MYOC: variants seen among roughly 807,000 people sequenced by gnomAD.
MYOC encodes the protein myocilin.
A neutral mutation model predicts 28.2 loss-of-function variants in MYOC; 29 were observed. The observed-to-expected ratio is 1.03, with a 90% confidence interval of 0.77 to 1.40. The LOEUF is 1.40. MYOC is among the 40% of genes most tolerant of loss of function. MYOC has a pLI of 0.00. For synonymous variants in MYOC, 240 were observed against 245.6 expected, an observed-to-expected ratio of 0.98 and a Z score of 0.21; for missense variants, 569 against 620.6, an observed-to-expected ratio of 0.92 and a Z score of 0.88.
chr1:171,636,966 T>G (rs1407021752), intron 2 of MYOC, among the ~76,000 whole-genome samples: 1 of 152,242 alleles, frequency 6.6e-6, no homozygotes, highest in Non-Finnish European at 1.5e-5. Flanking sequence ...TTGTAAATTT[T>G]AAATGTAATT....
intron 1 of MYOC, 32 bp downstream of exon 1, chr1:171,651,974 CTG>C (rs754382267): frequency 6.2e-7 from 1 of 1,614,076 alleles, no homozygotes; most frequent in East Asian, 2.2e-5. Flanking sequence ...ATATCACCTG[CTG>C]AACTCAGAGT....
intron 1 of MYOC, among the ~76,000 whole-genome samples, chr1:171,647,263 T>C (rs985974282): frequency 3.3e-5 from 5 of 152,172 alleles, no homozygotes; most frequent in Non-Finnish European, 7.4e-5. Context: ...CAGTGGCTCA[T>C]GCCTGTAATC....
chr1:171,651,512 CAGAG>C (rs1653352423), intron 1 of MYOC, among the ~76,000 whole-genome samples: 7 of 152,296 alleles, frequency 4.6e-5, no homozygotes, highest in Admixed American at 1.3e-4. Flanking sequence ...AGAAAACTGA[CAGAG>C]AGGTGCCATC....
At position 171,636,162 on chromosome 1, in the gene MYOC, G is replaced by C; in HGVS notation, c.1278C>G (p.Val426=). The part of the protein sequence containing the change: ...TWETNIRKQS[V]ANAFIICGTL... ...TGCCACAGATGATGAAGGCATTGGC[G>C]ACTGACTGCTTACGGATGTTTGTCT... is the stretch of plus-strand genomic sequence containing the variant. Residue 426 remains valine (V), a synonymous_variant, in exon 3 of 3, where the codon GTC becomes GTG. Coordinates refer to ENST00000037502, the MANE Select transcript of MYOC (RefSeq NM_000261.2). 1 of 1,614,170 alleles carries C rather than the reference G, an allele frequency of 6.2e-7. No individual in the cohort carries two copies. The highest frequency in any genetic ancestry group is 1.1e-5 in the South Asian group (1 of 91,080).
chr1:171,643,198 G>T (rs183920865), intron 1 of MYOC, among the ~76,000 whole-genome samples: 1 of 152,148 alleles, frequency 6.6e-6, no homozygotes, highest in Non-Finnish European at 1.5e-5. Context: ...TCCTTAGATC[G>T]ACCTGAGACC....
In MYOC at chr1:171,636,670, A is replaced by G; in HGVS notation, c.770T>C (p.Leu257Pro). 6.2e-7 allele frequency: 1 copy of G among 1,606,078 alleles called. No individual in the cohort carries two copies. The change falls in exon 3 of 3, where the codon CTG becomes CCG. Residue 257 changes from leucine to proline, a missense_variant. By Grantham distance (98) the Leu-to-Pro change is moderately conservative (BLOSUM62 -3). Transcript: ENST00000037502. ...ELVWVGEPLT[L>P]RTAETITGKY... ...GCCAGTAATTGTTTCTGCTGTTCTC[A>G]GCGTGAGAGGCTCTCCTACCCAAAC...
intron 1 of MYOC, among the ~76,000 whole-genome samples, chr1:171,644,892 C>A (rs1572214226): frequency 6.6e-6 from 1 of 152,138 alleles, no homozygotes. Context: ...GGTTAAGTAA[C>A]ATGCCCAAGG....
At chr1:171,644,680 C>T (rs1223388535) in intron 1 of MYOC, among the ~76,000 whole-genome samples, 1 of 150,750 alleles carries the variant, frequency 6.6e-6, no homozygotes, top group Non-Finnish European at 1.5e-5. Context: ...TGATCTGGTG[C>T]CTTCAAAGTT....
chr1:171,636,758 T>C, intron 2 of MYOC, 49 bp from the exon 3 acceptor site: 1 of 1,577,952 alleles, frequency 6.3e-7, no homozygotes, highest in Admixed American at 1.7e-5. Context: ...CCATAATCTT[T>C]CCAAACACAG....
At chr1:171,641,219 T>A (rs1572212818) in intron 1 of MYOC, among the ~76,000 whole-genome samples, 1 of 139,662 alleles carries the variant, frequency 7.2e-6, no homozygotes, top group East Asian at 2.1e-4. Flanking sequence ...TAAAAAAAAA[T>A]TATCTTTACA....
intron 1 of MYOC, among the ~76,000 whole-genome samples, chr1:171,650,299 C>A (rs1419446654): frequency 6.6e-6 from 1 of 152,106 alleles, no homozygotes. Context: ...TGCCTCATCA[C>A]ACTTCTGGTA....
At position 171,636,128 on chromosome 1, in the gene MYOC, T is replaced by C; in HGVS notation, c.1312A>G (p.Thr438Ala). Reference sequence around the variant, plus strand: ...TCTGCTGAGGTGTAGCTGCTGACGGTGTACAAGGTGCCACAGATGATGAAG... The same window carrying C: ...TCTGCTGAGGTGTAGCTGCTGACGGCGTACAAGGTGCCACAGATGATGAAG... Reference protein sequence around the residue: ...NAFIICGTLYTVSSYTSADAT... With the variant: ...NAFIICGTLYAVSSYTSADAT... The change falls in exon 3 of 3, where the codon ACC (threonine) becomes GCC (alanine). Residue 438 changes from threonine to alanine, a missense_variant. Transcript: ENST00000037502. 6.2e-7 allele frequency: 1 copy of C among 1,614,108 alleles called. No individual in the cohort carries two copies.
intron 1 of MYOC, among the ~76,000 whole-genome samples, chr1:171,641,018 C>T (rs555471213): frequency 1.3e-5 from 2 of 152,228 alleles, no homozygotes; most frequent in African/African-American, 2.4e-5. Context: ...GAAGGCGCAA[C>T]ACCAAAAATG....
At chr1:171,645,360 C>T (rs1653175228) in intron 1 of MYOC, among the ~76,000 whole-genome samples, 1 of 152,172 alleles carries the variant, frequency 6.6e-6, no homozygotes, top group South Asian at 2.1e-4. Context: ...CCCACCATGC[C>T]CTTGCCACAC....
intron 1 of MYOC, among the ~76,000 whole-genome samples, chr1:171,641,540 G>T (rs1194719538): frequency 6.6e-6 from 1 of 152,130 alleles, no homozygotes; most frequent in Non-Finnish European, 1.5e-5. Flanking sequence ...ACAGGGTGTG[G>T]GCTCTGGATT....
rs181071580 is a variant in MYOC, at chr1:171,648,560, C to A, written c.604+3448G>T. Among the ~76,000 whole-genome samples, 20 of 147,358 alleles carry A rather than the reference C, an allele frequency of 1.4e-4. No individual in the cohort carries two copies. The East Asian group carries it at 3.7e-3, about 28-fold the overall frequency. On this transcript the variant is annotated intron_variant, in intron 1 of 2. Coordinates refer to ENST00000037502, the MANE Select transcript of MYOC (RefSeq NM_000261.2). ...TCCAAAGCAGGGGCTAAATAACAAA[C>A]AAAGCAGTCCTTCTCTTGTGACAGT...
At position 171,652,522 on chromosome 1, in the gene MYOC, C is replaced by T. The variant is rs1352156157; in HGVS notation, c.90G>A (p.Val30=). The T allele has an allele frequency of 6.2e-7, 1 of 1,614,220 alleles. No homozygotes were observed. Among genetic ancestry groups the T allele is most frequent in the Non-Finnish European group, 8.5e-7 (1 of 1,180,030 alleles). Residue 30 remains valine, a synonymous_variant, in exon 1 of 3, where the codon GTG becomes GTA. Transcript: ENST00000037502. ...TCCTGAGCTGAGCTGTCCTGGCCCC[C>T]ACATCCCACACCAGGCAGGCCAGAA... ...LLLLACLVWD[V]GARTAQLRKA...
At chr1:171,639,246 AC>A (rs1307696763) in intron 1 of MYOC, among the ~76,000 whole-genome samples, 5 of 152,222 alleles carry the variant, frequency 3.3e-5, no homozygotes, top group African/African-American at 1.2e-4. Flanking sequence ...AGTGATGGCT[AC>A]ATTGGAGTTC....
chr1:171,639,673 C>T lies in MYOC; in HGVS notation c.605-951G>A, dbSNP rs577801867. Among the ~76,000 whole-genome samples, 209 of 109,998 alleles carry T rather than the reference C, an allele frequency of 1.9e-3. 1 individual carries two copies. Among genetic ancestry groups the T allele is most frequent in the African/African-American group, 7.8e-3 (208 of 26,716 alleles). The allele number at this position is 109,998 out of a possible 152,430, so 72.2% of individuals were successfully genotyped here. Reference sequence around the variant, plus strand: ...GTCTCAAAAAAAAAAAAAAAGAGACCGGGCACAGTGGCTCACACTGAAATC... The same window carrying T: ...GTCTCAAAAAAAAAAAAAAAGAGACTGGGCACAGTGGCTCACACTGAAATC... On this transcript the variant is annotated intron_variant, in intron 1 of 2. Transcript: ENST00000037502.
Sources: gnomAD v4.1 joint callset for allele counts (sites outside exome capture counted in the v4.1 genomes callset) on GRCh38, gnomAD v4.1.1 for gene constraint, MANE v1.5 for transcripts, NCBI Gene and HGNC (gene_info 2026-07-23, HGNC 2026-07-21) for gene names.